Variants in IRAK1BP1 observed in about 807,000 individuals in gnomAD.
The protein encoded by IRAK1BP1 is interleukin-1 receptor-associated kinase 1-binding protein 1.
In IRAK1BP1, 24 loss-of-function variants were observed where a neutral mutation model predicts 28.0. The ratio of observed to expected loss-of-function variants is 0.86; its 90% confidence interval spans 0.62 to 1.20. The LOEUF (loss-of-function observed/expected upper bound fraction) is 1.20, where lower values mean the gene tolerates loss of function less well. Ranked by LOEUF, IRAK1BP1 falls within the 50% of genes most tolerant of loss-of-function variation. The pLI is 0.00. For missense variants in IRAK1BP1, 336 were observed against 316.7 expected (o/e 1.06, Z -0.46); for synonymous variants, 131 against 116.3 (o/e 1.13, Z -0.81).
chr6:78,872,339 A>G (rs1365006772), intron 1 of IRAK1BP1, among the ~76,000 whole-genome samples: 1 of 152,194 alleles, frequency 6.6e-6, no homozygotes. Context: ...TTCTAGGGGC[A>G]CCCAAATTAA....
chr6:78,895,786 A>G (rs1233956998), intron 2 of IRAK1BP1, among the ~76,000 whole-genome samples: 1 of 152,226 alleles, frequency 6.6e-6, no homozygotes, highest in Non-Finnish European at 1.5e-5. Flanking sequence ...TGTCATACTT[A>G]ATGGTGAAAC....
chr6:78,891,650 C>T (rs1440670531), intron 2 of IRAK1BP1, among the ~76,000 whole-genome samples: 2 of 152,130 alleles, frequency 1.3e-5, no homozygotes, highest in African/African-American at 2.4e-5. Flanking sequence ...TTAGTAGAAC[C>T]GGGTTTTCAC....
the IRAK1BP1 span, among the ~76,000 whole-genome samples, chr6:78,963,795 C>T: frequency 6.6e-6 from 1 of 152,142 alleles, no homozygotes; most frequent in Admixed American, 6.5e-5. Context: ...TAGAGGGTTG[C>T]GGTAACCCAA....
intron 1 of IRAK1BP1, chr6:78,871,548 C>G: frequency 1.0e-6 from 1 of 984,436 alleles, no homozygotes. Flanking sequence ...GCATATAGTT[C>G]TTGCAATGGA....
At chr6:78,954,873 T>C in the IRAK1BP1 span, 3 of 1,580,446 alleles carry the variant, frequency 1.9e-6, no homozygotes, top group Non-Finnish European at 2.6e-6. Context: ...CATTGAAATA[T>C]GAGATTTAAC....
intron 1 of IRAK1BP1, among the ~76,000 whole-genome samples, chr6:78,874,661 G>A (rs1770930526): frequency 6.6e-6 from 1 of 152,126 alleles, no homozygotes; most frequent in South Asian, 2.1e-4. Context: ...CCAGAGGGTG[G>A]AAAATTTCTA....
At chr6:78,872,916 A>G (rs536309465) in intron 1 of IRAK1BP1, among the ~76,000 whole-genome samples, 11 of 152,088 alleles carry the variant, frequency 7.2e-5, no homozygotes, top group Admixed American at 3.9e-4. Context: ...CCATTTTTCT[A>G]TTGTCTTTAC....
chr6:78,945,429 T>C (rs1773754905), exon 5 of IRAK1BP1: 1 of 1,611,308 alleles, frequency 6.2e-7, no homozygotes, highest in Non-Finnish European at 8.5e-7. Flanking sequence ...GTGCCATGAC[T>C]AAAACTGGAT....
In IRAK1BP1 at chr6:78,893,560, G is replaced by A. The variant is rs150162419; in HGVS notation, c.382-4269G>A. 8.3e-4 allele frequency among the ~76,000 whole-genome samples: 126 copies of A among 151,920 alleles called. 1 individual carries two copies. The highest frequency in any genetic ancestry group is 8.1e-3 in the South Asian group (39 of 4,830). On this transcript the variant is annotated intron_variant, in intron 2 of 3. Coordinates refer to ENST00000369940, the MANE Select transcript of IRAK1BP1 (RefSeq NM_001010844.4). Reference sequence around the variant, plus strand: ...GAAGAGTACTGAAAATGGTAACTACGTGGGTTTTTCTTAATATAAATCTCT... The same window carrying A: ...GAAGAGTACTGAAAATGGTAACTACATGGGTTTTTCTTAATATAAATCTCT...
chr6:78,898,810 AC>A lies in IRAK1BP1; in HGVS notation c.*478del. On this transcript the variant is annotated 3_prime_UTR_variant, in exon 4 of 4. Coordinates refer to ENST00000369940, the MANE Select transcript of IRAK1BP1 (RefSeq NM_001010844.4). ...GAAAAGAATTCCTATATCCCATCAA[AC>A]CTAATAATTTTCCACAACTAAAAAT... is the stretch of plus-strand genomic sequence containing the variant. 6.6e-6 allele frequency: 1 copy of A among 152,212 alleles called. No individual in the cohort carries two copies. Among genetic ancestry groups the A allele is most frequent in the South Asian group, 2.1e-4 (1 of 4,826 alleles). 9.4% of individuals were successfully genotyped at this position (152,212 alleles called of 1,614,324 possible). A position where few individuals can be genotyped will look rare whatever the true frequency, so the allele number is the denominator to read the frequency against.
intron 4 of IRAK1BP1, among the ~76,000 whole-genome samples, chr6:78,941,795 T>C (rs551080159): frequency 6.6e-6 from 1 of 152,302 alleles, no homozygotes; most frequent in East Asian, 1.9e-4. Flanking sequence ...ACTGATTATA[T>C]ATATATATCA....
At chr6:78,925,553 G>T (rs1271177643) in intron 4 of IRAK1BP1, among the ~76,000 whole-genome samples, 1 of 152,156 alleles carries the variant, frequency 6.6e-6, no homozygotes, top group East Asian at 1.9e-4. Flanking sequence ...TGACAAGGCT[G>T]CAGAGAAAAG....
chr6:78,919,011 C>A (rs1169682585), intron 4 of IRAK1BP1, among the ~76,000 whole-genome samples: 2 of 152,102 alleles, frequency 1.3e-5, no homozygotes, highest in Non-Finnish European at 2.9e-5. Context: ...ACTCTATGAC[C>A]ACAGTGGAAT....
chr6:78,946,539 C>A, downstream of IRAK1BP1: 3 of 1,379,466 alleles, frequency 2.2e-6, no homozygotes, highest in Non-Finnish European at 2.8e-6. Context: ...AGCACTTACA[C>A]TAGTATAGCT....
rs537822797 is a variant in IRAK1BP1, at chr6:78,894,330, G to A, written c.382-3499G>A. On this transcript the variant is annotated intron_variant, in intron 2 of 3. Transcript: ENST00000369940. Reference sequence around the variant, plus strand: ...AGTTAACTCCACTTACATGCTGCCTGAGAGAAGTGTACTTTAAATATGAAG... The same window carrying A: ...AGTTAACTCCACTTACATGCTGCCTAAGAGAAGTGTACTTTAAATATGAAG... 9.2e-5 allele frequency among the ~76,000 whole-genome samples: 14 copies of A among 152,280 alleles called. No individual in the cohort carries two copies. The South Asian group carries it at 1.7e-3, about 18-fold the overall frequency.
At chr6:78,961,847 T>C in the IRAK1BP1 span, 17 of 1,506,324 alleles carry the variant, frequency 1.1e-5, no homozygotes, top group African/African-American at 2.2e-4. Flanking sequence ...TTTATTTTTG[T>C]ATGCCTAAAA....
rs1772003726 is a variant in IRAK1BP1 at position 78,898,963 on chromosome 6, C to G, written c.*629C>G. ...TAACAGAAGACTTGAGATTCCCAGA[C>G]AGAAACAAAGGACTATTACTCATGG... On this transcript the variant is annotated 3_prime_UTR_variant, in exon 4 of 4. Coordinates refer to ENST00000369940, the MANE Select transcript of IRAK1BP1 (RefSeq NM_001010844.4). 6.6e-6 allele frequency: 1 copy of G among 152,132 alleles called. No homozygotes were observed. The highest frequency in any genetic ancestry group is 1.5e-5 in the Non-Finnish European group (1 of 68,032). 9.4% of individuals were successfully genotyped at this position (152,132 alleles called of 1,614,324 possible).
the IRAK1BP1 span, chr6:78,965,785 T>C: frequency 1.4e-6 from 2 of 1,408,622 alleles, no homozygotes; most frequent in Non-Finnish European, 2.0e-6. Context: ...GAAAAATCAT[T>C]ATATTAAAAA....
the IRAK1BP1 span, chr6:78,966,181 C>T: frequency 3.2e-6 from 2 of 623,380 alleles, no homozygotes; most frequent in Admixed American, 2.6e-5. Context: ...AAGTGAACCA[C>T]AAACTCCAAA....
Sources: allele counts gnomAD v4.1 joint callset (sites outside exome capture counted in the v4.1 genomes callset), GRCh38; gene constraint gnomAD v4.1.1; transcripts MANE v1.5; gene names NCBI Gene and HGNC (gene_info 2026-07-23, HGNC 2026-07-21).